GLIS3: variants seen among roughly 807,000 people sequenced by gnomAD.
GLIS3 encodes the protein zinc finger protein GLIS3.
A neutral mutation model predicts 78.6 loss-of-function variants in GLIS3; 53 were observed. That is an observed-to-expected ratio of 0.67 (90% CI 0.54 to 0.85). GLIS3 has a LOEUF of 0.85. GLIS3 is among the 40% of genes least tolerant of loss of function. The pLI is 0.00. For missense variants in GLIS3, 1,703 were observed against 1,231.1 expected, an observed-to-expected ratio of 1.38 and a Z score of -5.74; for synonymous variants, 684 against 509.9, an observed-to-expected ratio of 1.34 and a Z score of -4.60.
At chr9:4,178,254 G>T (rs949440312) in intron 2 of GLIS3, among the ~76,000 whole-genome samples, 9 of 151,824 alleles carry the variant, frequency 5.9e-5, no homozygotes, top group African/African-American at 2.2e-4. Flanking sequence ...CAAAATTTCT[G>T]CCCCCACAAT....
At chr9:4,000,689 T>C (rs1467049714) in intron 4 of GLIS3, among the ~76,000 whole-genome samples, 2 of 152,190 alleles carry the variant, frequency 1.3e-5, no homozygotes, top group Non-Finnish European at 2.9e-5. Context: ...AACTAGAATC[T>C]TCCCCATCAG....
At chr9:4,326,146 G>A (rs144836251) in intron 2 of GLIS3, among the ~76,000 whole-genome samples, 2,507 of 152,234 alleles carry the variant, frequency 0.016, 65 homozygotes, top group African/African-American at 0.056. Flanking sequence ...TCGAACCACC[G>A]TGGCACACAT....
intron 2 of GLIS3, among the ~76,000 whole-genome samples, chr9:4,278,318 A>G (rs1033826963): frequency 6.6e-6 from 1 of 152,216 alleles, no homozygotes; most frequent in Non-Finnish European, 1.5e-5. Flanking sequence ...CCCCACTAAG[A>G]GGGACTTGAG....
the GLIS3 span, chr9:4,386,282 A>G: frequency 6.6e-6 from 1 of 152,224 alleles, no homozygotes; most frequent in Admixed American, 6.5e-5. Context: ...ATACATGTGT[A>G]TTATAGGGCT....
intron 9 of GLIS3, among the ~76,000 whole-genome samples, chr9:3,833,238 G>T (rs1209680215): frequency 6.6e-6 from 1 of 152,126 alleles, no homozygotes; most frequent in Non-Finnish European, 1.5e-5. Flanking sequence ...CTCAAGAAAA[G>T]AAAATCCTCT....
chr9:4,040,933 C>A (rs970873592), intron 4 of GLIS3, among the ~76,000 whole-genome samples: 1 of 152,122 alleles, frequency 6.6e-6, no homozygotes, highest in Non-Finnish European at 1.5e-5. Flanking sequence ...TACAAAACAT[C>A]AGGACCCACT....
chr9:4,369,345 A>G, the GLIS3 span, among the ~76,000 whole-genome samples: 1 of 152,180 alleles, frequency 6.6e-6, no homozygotes, highest in African/African-American at 2.4e-5. Flanking sequence ...AAAATATTTA[A>G]CCTGCCTGAT....
intron 4 of GLIS3, among the ~76,000 whole-genome samples, chr9:4,103,953 A>C (rs1194576863): frequency 6.6e-6 from 1 of 152,146 alleles, no homozygotes; most frequent in Non-Finnish European, 1.5e-5. Flanking sequence ...GACTAAGGAC[A>C]TACACAGTGT....
the GLIS3 span, among the ~76,000 whole-genome samples, chr9:4,402,639 A>C: frequency 3.3e-5 from 5 of 152,246 alleles, no homozygotes; most frequent in Non-Finnish European, 7.3e-5. Flanking sequence ...ACAATTAAAA[A>C]GAAGCAAGCA....
the GLIS3 span, among the ~76,000 whole-genome samples, chr9:4,357,561 CTG>C: frequency 0.21 from 31,136 of 147,550 alleles, 3,423 homozygotes; most frequent in Middle Eastern, 0.29. Context: ...GAACTAATTC[CTG>C]TGTGTGTGTG....
At chr9:4,175,546 G>A (rs900275159) in intron 2 of GLIS3, among the ~76,000 whole-genome samples, 21 of 152,136 alleles carry the variant, frequency 1.4e-4, no homozygotes, top group Admixed American at 5.2e-4. Flanking sequence ...GTTCTTAACC[G>A]TGGTGGCTCA....
At chr9:4,229,330 C>T (rs150806069) in intron 2 of GLIS3, among the ~76,000 whole-genome samples, 1 of 152,296 alleles carries the variant, frequency 6.6e-6, no homozygotes, top group African/African-American at 2.4e-5. Context: ...AAGATAAATA[C>T]TAATTTTGAA....
At chr9:4,343,180 A>AT (rs1159463185) in intron 2 of GLIS3, among the ~76,000 whole-genome samples, 7 of 151,704 alleles carry the variant, frequency 4.6e-5, no homozygotes. Flanking sequence ...CTCTTCAAAA[A>AT]AAAATTAAAA....
chr9:3,877,248 T>C (rs1363311698), intron 8 of GLIS3, among the ~76,000 whole-genome samples: 1 of 147,856 alleles, frequency 6.8e-6, no homozygotes, highest in African/African-American at 2.4e-5. Flanking sequence ...AAAATGCATT[T>C]TTTTAAAAAA....
chr9:4,227,964 T>C (rs1821918584), intron 2 of GLIS3, among the ~76,000 whole-genome samples: 1 of 152,152 alleles, frequency 6.6e-6, no homozygotes, highest in Non-Finnish European at 1.5e-5. Context: ...ACATAATTTG[T>C]TGGGATCAGT....
At chr9:4,262,666 A>T (rs7040913) in intron 2 of GLIS3, among the ~76,000 whole-genome samples, 32,469 of 152,026 alleles carry the variant, frequency 0.21, 3,642 homozygotes, top group Admixed American at 0.25. Flanking sequence ...TATATAGCCA[A>T]AATTTTCAAT....
the GLIS3 span, among the ~76,000 whole-genome samples, chr9:4,459,306 C>A: frequency 6.6e-6 from 1 of 152,132 alleles, no homozygotes; most frequent in South Asian, 2.1e-4. Context: ...CAAAGACAGC[C>A]CAAGGTAGAT....
chr9:3,827,629 C>A lies in GLIS3; in HGVS notation c.*643G>T, dbSNP rs760633224. The A allele has an allele frequency of 1.3e-5, 2 of 153,556 alleles. No individual in the cohort carries two copies. Among genetic ancestry groups the A allele is most frequent in the African/African-American group, 2.4e-5 (1 of 41,236 alleles). The allele number at this position is 153,556 out of a possible 1,614,324, so 9.5% of individuals were successfully genotyped here. A position where few individuals can be genotyped will look rare whatever the true frequency, so the allele number is the denominator to read the frequency against. The stretch of plus-strand genomic sequence containing the variant: ...TACATTTTTTTTTCATTTTAAAATA[C>A]GTATAAATAACTAAGTCTTTAAAAT... On this transcript the variant is annotated 3_prime_UTR_variant, in exon 11 of 11. Transcript: ENST00000381971.
At chr9:4,423,539 T>C in the GLIS3 span, among the ~76,000 whole-genome samples, 2 of 152,098 alleles carry the variant, frequency 1.3e-5, no homozygotes, top group African/African-American at 2.4e-5. Context: ...GGACATCACT[T>C]ATACCTTATT....
Sources: gnomAD v4.1 joint callset for allele counts (sites outside exome capture counted in the v4.1 genomes callset) on GRCh38, gnomAD v4.1.1 for gene constraint, MANE v1.5 for transcripts, NCBI Gene and HGNC (gene_info 2026-07-23, HGNC 2026-07-21) for gene names.